The following HTT variants were observed in gnomAD, a reference collection of about 807,000 sequenced individuals.
HTT encodes the protein huntingtin.
In HTT, 104 loss-of-function variants were observed where a neutral mutation model predicts 362.3. The observed-to-expected ratio is 0.29, with a 90% confidence interval of 0.24 to 0.34. HTT has a LOEUF of 0.34. Among genes scored for constraint, HTT ranks in the 10% least tolerant of loss-of-function variants. The probability of loss-of-function intolerance (pLI) is 1.00; values close to 1 mark genes in which losing one functional copy is unlikely to be tolerated. For missense variants in HTT, 3,301 were observed against 3,928.6 expected, an observed-to-expected ratio of 0.84 and a Z score of 4.27; for synonymous variants, 1,577 against 1,548.7, an observed-to-expected ratio of 1.02 and a Z score of -0.43.
At chr4:3,112,887 C>T (rs978667026) in intron 6 of HTT, 20 of 200,058 alleles carry the variant, frequency 1.0e-4, no homozygotes, top group African/African-American at 4.5e-4. Context: ...ATTCCAGGAG[C>T]TCTGGTCCTC....
chr4:3,150,426 A>C (rs1578539987), intron 26 of HTT, among the ~76,000 whole-genome samples: 1 of 152,058 alleles, frequency 6.6e-6, no homozygotes, highest in Non-Finnish European at 1.5e-5. Flanking sequence ...ACCTCAGAGG[A>C]CCTGTCTCTG....
chr4:3,115,655 T>C (rs1427259653), intron 7 of HTT, among the ~76,000 whole-genome samples: 1 of 152,188 alleles, frequency 6.6e-6, no homozygotes, highest in African/African-American at 2.4e-5. Flanking sequence ...GCAGTGGGTG[T>C]GGGCTGGTGT....
intron 29 of HTT, among the ~76,000 whole-genome samples, chr4:3,165,499 A>G (rs958553380): frequency 2.0e-5 from 3 of 152,148 alleles, no homozygotes; most frequent in Non-Finnish European, 1.5e-5. Context: ...AATATCCTGA[A>G]GAGTGTTTTC....
intron 11 of HTT, among the ~76,000 whole-genome samples, chr4:3,126,728 T>G (rs367915488): frequency 6.6e-6 from 1 of 152,214 alleles, no homozygotes; most frequent in African/African-American, 2.4e-5. Flanking sequence ...GCCTTTTTTG[T>G]TTTTAAATGG....
Position 3,099,371 on chromosome 4 carries a change from G to A in HTT, c.445G>A (p.Glu149Lys), listed in dbSNP as rs1440430798. 1 of 1,613,472 alleles carries A rather than the reference G, an allele frequency of 6.2e-7. No homozygotes were observed. ...AESDVRMVADECLNKVIKALM... is the reference protein window; with the variant it reads ...AESDVRMVADKCLNKVIKALM... ...GTCAGATGTCAGGATGGTGGCTGAC[G>A]AATGCCTCAACAAAGTTATCAAAGT... is the stretch of plus-strand genomic sequence containing the variant. The change falls in exon 3 of 67, where the codon GAA (glutamate) becomes AAA (lysine). Residue 149 changes from glutamate (E) to lysine (K), a missense_variant. By Grantham distance (56) the Glu-to-Lys change is moderately conservative. Transcript: ENST00000355072.
intron 40 of HTT, among the ~76,000 whole-genome samples, chr4:3,197,340 G>A (rs933318876): frequency 3.9e-5 from 6 of 151,996 alleles, no homozygotes; most frequent in African/African-American, 1.5e-4. Context: ...CCTCAGACTT[G>A]CACTTAAAAT....
rs763357755 is a variant in HTT at position 3,207,302 on chromosome 4, A to G, written c.6097A>G (p.Met2033Val). The change falls in exon 45 of 67, where the codon ATG becomes GTG. Residue 2033 changes from methionine (M) to valine (V), a missense_variant. Met to Val is a conservative substitution (Grantham distance 21, BLOSUM62 1). Around this residue, in one of 4 missense-constraint regions of HTT, gnomAD observed 2,316 missense variants for 2,658.5 expected, o/e 0.87. Transcript: ENST00000355072. ...TTAGAGCAGCATGGCCCAGTTGCCA[A>G]TGGAAGAACTCAACAGAATCCAGGA... ...NLQSSMAQLP[M>V]EELNRIQEYL... 3.6e-5 allele frequency: 58 copies of G among 1,613,818 alleles called. No individual in the cohort carries two copies. The Middle Eastern group carries it at 4.9e-4, about 14-fold the overall frequency.
chr4:3,096,975 C>T (rs1227590581), intron 2 of HTT, among the ~76,000 whole-genome samples: 1 of 151,900 alleles, frequency 6.6e-6, no homozygotes, highest in Non-Finnish European at 1.5e-5. Context: ...AAAAATTAGC[C>T]AGGTGTGGTG....
intron 37 of HTT, among the ~76,000 whole-genome samples, chr4:3,182,832 G>T (rs1406706371): frequency 6.6e-6 from 1 of 152,160 alleles, no homozygotes; most frequent in Non-Finnish European, 1.5e-5. Flanking sequence ...TTGGTGGTTA[G>T]ATTTTTGTTT....
intron 37 of HTT, among the ~76,000 whole-genome samples, chr4:3,183,151 G>C (rs572629780): frequency 2.0e-5 from 3 of 152,364 alleles, no homozygotes; most frequent in African/African-American, 7.2e-5. Flanking sequence ...CAAAGTGCTG[G>C]CATTACAGGT....
At chr4:3,190,052 G>T (rs183100050) in intron 40 of HTT, among the ~76,000 whole-genome samples, 1 of 152,104 alleles carries the variant, frequency 6.6e-6, no homozygotes, top group African/African-American at 2.4e-5. Flanking sequence ...AGCCAAAAAT[G>T]GTTAAGATGG....
At chr4:3,120,148 G>GA (rs1311313470) in intron 8 of HTT, among the ~76,000 whole-genome samples, 1 of 151,704 alleles carries the variant, frequency 6.6e-6, no homozygotes, top group African/African-American at 2.4e-5. Context: ...GTCTGATTTT[G>GA]AAAAAAAGAA....
chr4:3,101,970 A>G (rs1299985549), intron 3 of HTT, among the ~76,000 whole-genome samples: 1 of 152,146 alleles, frequency 6.6e-6, no homozygotes, highest in Non-Finnish European at 1.5e-5. Flanking sequence ...TGGAGGCTGA[A>G]CCCATCTTAT....
Position 3,105,314 on chromosome 4 carries a change from C to T in HTT, c.529-43C>T, listed in dbSNP as rs549701426. 2.2e-5 allele frequency: 28 copies of T among 1,270,108 alleles called. 1 individual carries two copies. Among genetic ancestry groups the T allele is most frequent in the Non-Finnish European group, 2.5e-5 (22 of 868,246 alleles). 78.7% of individuals were successfully genotyped at this position (1,270,108 alleles called of 1,614,324 possible). ...CGTTTCTATGCAACCCTCTTGGTGACTAGTATGTGACTCTTAATGCAACCC... is the reference window on the plus strand; with the variant it reads ...CGTTTCTATGCAACCCTCTTGGTGATTAGTATGTGACTCTTAATGCAACCC... On this transcript the variant is annotated intron_variant, in intron 4 of 66. Transcript: ENST00000355072.
intron 8 of HTT, among the ~76,000 whole-genome samples, chr4:3,119,409 C>G (rs537744166): frequency 6.6e-6 from 1 of 152,252 alleles, no homozygotes; most frequent in South Asian, 2.1e-4. Context: ...GACCATTAAC[C>G]TTGGGACATT....
At chr4:3,209,015 T>C in intron 46 of HTT, 104 bp downstream of exon 46, 1 of 1,272,046 alleles carries the variant, frequency 7.9e-7, no homozygotes, top group Non-Finnish European at 1.1e-6. Flanking sequence ...ACCCAAGGAG[T>C]TCTGGCGCTC....
chr4:3,162,843 T>C (rs7667172), intron 29 of HTT, among the ~76,000 whole-genome samples: 5,606 of 152,280 alleles, frequency 0.037, 308 homozygotes, highest in African/African-American at 0.12. Context: ...AATAGGGTTT[T>C]CTAAATATAC....
intron 64 of HTT, among the ~76,000 whole-genome samples, chr4:3,237,726 C>G (rs1721606919): frequency 6.6e-6 from 1 of 152,168 alleles, no homozygotes; most frequent in South Asian, 2.1e-4. Flanking sequence ...ATTTTCGTAG[C>G]TGCTTCCCGT....
At chr4:3,099,148 C>T (rs1363351278) in intron 2 of HTT, 126 bp from the exon 3 acceptor site, 14 of 616,302 alleles carry the variant, frequency 2.3e-5, no homozygotes, top group African/African-American at 2.2e-4. Context: ...TTCAGATTTT[C>T]TTAATTTCTA....
Sources: gnomAD v4.1 joint callset for allele counts (sites outside exome capture counted in the v4.1 genomes callset) on GRCh38, gnomAD v4.1.1 for gene constraint, gnomAD v4.1.1 regional missense constraint, MANE v1.5 for transcripts, NCBI Gene and HGNC (gene_info 2026-07-23, HGNC 2026-07-21) for gene names.